The following PLEKHG7 variants were observed in gnomAD, a reference collection of about 807,000 sequenced individuals.
PLEKHG7 encodes pleckstrin homology domain-containing family G member 7.
Under a neutral mutation model 85.2 loss-of-function variants are expected in PLEKHG7, and 77 were observed. The observed-to-expected ratio is 0.90, with a 90% confidence interval of 0.75 to 1.09. The LOEUF (loss-of-function observed/expected upper bound fraction) is 1.09, where lower values mean the gene tolerates loss of function less well. Ranked by LOEUF, PLEKHG7 falls within the 50% of genes least tolerant of loss-of-function variation. PLEKHG7 has a pLI of 0.00. For missense variants in PLEKHG7, 777 were observed against 804.3 expected, an observed-to-expected ratio of 0.97 and a Z score of 0.41; for synonymous variants, 301 against 302.4, an observed-to-expected ratio of 1.00 and a Z score of 0.05.
At chr12:92,727,629 G>A (rs962102318) in intron 3 of PLEKHG7, among the ~76,000 whole-genome samples, 10 of 151,432 alleles carry the variant, frequency 6.6e-5, no homozygotes, top group East Asian at 5.8e-4. Context: ...CGCTCTTGTT[G>A]CCCAGGCTGG....
chr12:92,710,923 G>A (rs973696557), intron 3 of PLEKHG7, among the ~76,000 whole-genome samples: 1 of 152,194 alleles, frequency 6.6e-6, no homozygotes, highest in African/African-American at 2.4e-5. Context: ...CCATTCATGA[G>A]CACCTACGTG....
intron 15 of PLEKHG7, among the ~76,000 whole-genome samples, chr12:92,765,252 C>G (rs1873157938): frequency 6.6e-6 from 1 of 150,998 alleles, no homozygotes; most frequent in Non-Finnish European, 1.5e-5. Flanking sequence ...TTTGGGAGGC[C>G]AACATGGTAG....
At position 92,764,139 on chromosome 12, in the gene PLEKHG7, G is replaced by A. The variant is rs964459497; in HGVS notation, c.1815G>A (p.Gln605=). ...GTGGTTCGTGTACAGTACTCGATCA[G>A]CCTATTCCACTAGATAGATTGGTAG... ...KEGGSCTVLD[Q]PIPLDRLVVK... is the part of the protein sequence containing the mutation. The change falls in exon 15 of 17, where the codon CAG becomes CAA. Residue 605 remains glutamine, a synonymous_variant. Coordinates refer to ENST00000344636, the MANE Select transcript of PLEKHG7 (RefSeq NM_001377329.1). The A allele has an allele frequency of 3.7e-6, 6 of 1,610,638 alleles. No individual in the cohort carries two copies. Among genetic ancestry groups the A allele is most frequent in the Middle Eastern group, 1.6e-4 (1 of 6,068 alleles).
rs1871427646 is a variant in PLEKHG7, at chr12:92,714,406, G to A, written c.530+6734G>A. Among the ~76,000 whole-genome samples, 3 of 152,184 alleles carry A rather than the reference G, an allele frequency of 2.0e-5. No homozygotes were observed. The South Asian group carries it at 6.2e-4, about 32-fold the overall frequency. On this transcript the variant is annotated intron_variant, in intron 3 of 16. Transcript: ENST00000344636. ...CCTCCCGGGCATCCTATTCCAAGTT[G>A]CAGGGTCTCATTCTTTTCCAATCAA...
rs1162381649 is a variant in PLEKHG7, at chr12:92,761,671, AAAGAAAGAAAGAAAGG to A, written c.1637-80_1637-65del. 5.2e-5 allele frequency: 67 copies of A among 1,285,470 alleles called. 1 individual carries two copies. In the South Asian group the frequency reaches 8.5e-4, roughly 16 times the overall value. 79.6% of individuals were successfully genotyped at this position (1,285,470 alleles called of 1,614,324 possible). On this transcript the variant is annotated intron_variant, in intron 13 of 16. Coordinates refer to ENST00000344636, the MANE Select transcript of PLEKHG7 (RefSeq NM_001377329.1). ...GAAAGAAAGAAAGAAAGAAAGAAAG[AAAGAAAGAAAGAAAGG>A]GAAAGAAAAACTCTTCTACTTAACA... is the stretch of plus-strand genomic sequence containing the variant.
intron 3 of PLEKHG7, among the ~76,000 whole-genome samples, chr12:92,717,378 C>T (rs1871520784): frequency 6.6e-6 from 1 of 152,166 alleles, no homozygotes; most frequent in African/African-American, 2.4e-5. Context: ...TAGGGGGCAG[C>T]AGGACCTGGA....
At chr12:92,744,272 T>C (rs540572640) in intron 9 of PLEKHG7, among the ~76,000 whole-genome samples, 1 of 152,302 alleles carries the variant, frequency 6.6e-6, no homozygotes, top group African/African-American at 2.4e-5. Context: ...TATTAATCAA[T>C]AAACCTATCA....
intron 12 of PLEKHG7, 36 bp from the exon 13 acceptor site, chr12:92,756,262 A>G: frequency 2.0e-6 from 3 of 1,481,980 alleles, no homozygotes; most frequent in Non-Finnish European, 2.8e-6. Context: ...CCAATCACTA[A>G]CAACATCTCT....
At chr12:92,734,442 A>T (rs923956442) in intron 5 of PLEKHG7, among the ~76,000 whole-genome samples, 4 of 152,212 alleles carry the variant, frequency 2.6e-5, no homozygotes, top group Non-Finnish European at 4.4e-5. Flanking sequence ...AACACATGTG[A>T]ACTCATAAAT....
At chr12:92,754,611 G>A (rs1174511403) in intron 11 of PLEKHG7, among the ~76,000 whole-genome samples, 1 of 152,154 alleles carries the variant, frequency 6.6e-6, no homozygotes, top group Non-Finnish European at 1.5e-5. Flanking sequence ...AAGCAAATGG[G>A]AGTAAACACC....
Position 92,761,740 on chromosome 12 carries a change from T to G in PLEKHG7, c.1637-12T>G. 1 of 1,557,528 alleles carries G rather than the reference T, an allele frequency of 6.4e-7. No homozygotes were observed. The highest frequency in any genetic ancestry group is 8.6e-7 in the Non-Finnish European group (1 of 1,160,280). ...TTCAGGTCCCCATTTCAGCTTCTCT[T>G]TTTTTCCTCAGAAAGCACGAGATTC... On this transcript the variant is annotated splice_polypyrimidine_tract_variant and intron_variant, in intron 13 of 16. Coordinates refer to ENST00000344636, the MANE Select transcript of PLEKHG7 (RefSeq NM_001377329.1).
At chr12:92,744,087 A>G (rs897697279) in intron 9 of PLEKHG7, among the ~76,000 whole-genome samples, 5 of 152,318 alleles carry the variant, frequency 3.3e-5, no homozygotes, top group East Asian at 1.9e-4. Flanking sequence ...CTAAGGTCCT[A>G]TAACAAAATA....
rs911362797 is a variant in PLEKHG7 at position 92,741,688 on chromosome 12, G to C, written c.1137+96G>C. The C allele has an allele frequency of 7.2e-6, 6 of 838,434 alleles. No homozygotes were observed. In the African/African-American group the frequency reaches 1.0e-4, roughly 14 times the overall value. The allele number at this position is 838,434 out of a possible 1,614,324, so 51.9% of individuals were successfully genotyped here. On this transcript the variant is annotated intron_variant, in intron 9 of 16. Coordinates refer to ENST00000344636, the MANE Select transcript of PLEKHG7 (RefSeq NM_001377329.1). ...CCTACTTGATTTTAATTCTCCCTGG[G>C]AAAGTTCTACCTCCACTCTCCTACA...
rs1445772791 is a variant in PLEKHG7, at chr12:92,741,538, T to A, written c.1083T>A (p.Tyr361Ter). 8.7e-6 allele frequency: 14 copies of A among 1,613,546 alleles called. No individual in the cohort carries two copies. Among genetic ancestry groups the A allele is most frequent in the African/African-American group, 1.3e-5 (1 of 74,936 alleles). ...GTCTCTTTGGCATCATCAAGGACTA[T>A]GTAGACGCTTCTGAGATTTCCTCAT... ...VNSLFGIIKDYVDASEISSSL... is the reference protein window; with the variant it reads ...VNSLFGIIKD The change falls in exon 9 of 17, where the codon TAT (tyrosine) becomes TAA (stop). Residue 361 changes from tyrosine (Y) to a stop codon, truncating the protein, a stop_gained. Coordinates refer to ENST00000344636, the MANE Select transcript of PLEKHG7 (RefSeq NM_001377329.1). LOFTEE classifies it high-confidence loss of function.
chr12:92,729,939 C>T (rs146886963), intron 4 of PLEKHG7, among the ~76,000 whole-genome samples: 2 of 152,242 alleles, frequency 1.3e-5, no homozygotes, highest in Non-Finnish European at 2.9e-5. Flanking sequence ...ATCCCTCATT[C>T]ACATATGTGT....
chr12:92,763,402 CTA>C (rs1873092951), intron 14 of PLEKHG7, among the ~76,000 whole-genome samples: 1 of 152,134 alleles, frequency 6.6e-6, no homozygotes, highest in South Asian at 2.1e-4. Flanking sequence ...GAACTCAATA[CTA>C]TAGAGAGATT....
chr12:92,727,927 G>GGTGT (rs540230230), intron 3 of PLEKHG7, among the ~76,000 whole-genome samples: 1,103 of 84,930 alleles, frequency 0.013, 133 homozygotes, highest in East Asian at 0.026. Context: ...GGTATTCTAT[G>GGTGT]GTGTGTGTGT....
rs1031380788 is a variant in PLEKHG7 at position 92,771,697 on chromosome 12, T to G, written c.*1502T>G. 1 of 151,904 alleles carries G rather than the reference T, an allele frequency of 6.6e-6. No homozygotes were observed. Among genetic ancestry groups the G allele is most frequent in the Non-Finnish European group, 1.5e-5 (1 of 67,884 alleles). 9.4% of individuals were successfully genotyped at this position (151,904 alleles called of 1,614,324 possible). Reference sequence around the variant, plus strand: ...AAAGAAATTTCTGGTTAAAAAAAATTTTTACATTAACAATCATCTTGCAAA... The same window carrying G: ...AAAGAAATTTCTGGTTAAAAAAAATGTTTACATTAACAATCATCTTGCAAA... On this transcript the variant is annotated 3_prime_UTR_variant, in exon 17 of 17. Transcript: ENST00000344636.
chr12:92,727,856 G>A (rs1288458437), intron 3 of PLEKHG7, among the ~76,000 whole-genome samples: 2 of 151,094 alleles, frequency 1.3e-5, no homozygotes, highest in Middle Eastern at 6.4e-3. Flanking sequence ...CTCCCAAAGT[G>A]CTGGAATTAT....
Sources: gnomAD v4.1 joint callset for allele counts (sites outside exome capture counted in the v4.1 genomes callset) on GRCh38, gnomAD v4.1.1 for gene constraint, MANE v1.5 for transcripts, NCBI Gene and HGNC (gene_info 2026-07-23, HGNC 2026-07-21) for gene names.